The following COL4A5 variants were observed in gnomAD, a reference collection of about 807,000 sequenced individuals.
COL4A5 encodes collagen alpha-5(IV) chain.
Under a neutral mutation model 130.2 loss-of-function variants are expected in COL4A5, and 26 were observed. The ratio of observed to expected loss-of-function variants is 0.20; its 90% CI spans 0.15 to 0.28. The LOEUF is 0.28. COL4A5 is among the 10% of genes least tolerant of loss of function. The pLI, the probability that COL4A5 is intolerant of heterozygous loss-of-function variation, is 1.00. For missense variants in COL4A5, 1,131 were observed against 1,344.3 expected, an observed-to-expected ratio of 0.84 and a Z score of 2.48; for synonymous variants, 496 against 439.6, an observed-to-expected ratio of 1.13 and a Z score of -1.60.
intron 1 of COL4A5, among the ~76,000 whole-genome samples, chrX:108,490,546 A>C (rs1306193120): frequency 8.9e-6 from 1 of 112,259 alleles, no homozygotes; most frequent in Non-Finnish European, 1.9e-5. Flanking sequence ...ATAATGTAGT[A>C]TAACCTTTTA....
At chrX:108,662,839 G>A (rs867540108) in intron 37 of COL4A5, among the ~76,000 whole-genome samples, 9 of 111,676 alleles carry the variant, frequency 8.1e-5, no homozygotes, top group Admixed American at 2.8e-4. Flanking sequence ...GACTTTCTTC[G>A]CAGAATTAGA....
At chrX:108,492,277 T>G (rs780752730) in intron 1 of COL4A5, among the ~76,000 whole-genome samples, 1 of 111,793 alleles carries the variant, frequency 8.9e-6, no homozygotes, top group Non-Finnish European at 1.9e-5. Context: ...TTAGGAAATT[T>G]CTGTTTCAAA....
chrX:108,644,761 A>T lies in COL4A5; in HGVS notation c.3247-10570A>T, dbSNP rs917812146. 6.4e-5 allele frequency among the ~76,000 whole-genome samples: 7 copies of T among 109,171 alleles called. No homozygotes were observed. In the East Asian group the frequency reaches 1.4e-3, roughly 22 times the overall value. 94.8% of individuals were successfully genotyped at this position (109,171 alleles called of 115,157 possible). On this transcript the variant is annotated intron_variant, in intron 36 of 52. Transcript: ENST00000328300. ...CTAAAATTACAAAAAATAGCTGGGG[A>T]TGGTGGCAGGCACCTGTAATCCCAG...
At chrX:108,640,036 A>T (rs1338457384) in intron 36 of COL4A5, among the ~76,000 whole-genome samples, 1 of 111,940 alleles carries the variant, frequency 8.9e-6, no homozygotes, top group East Asian at 2.8e-4. Context: ...ACTTCTGGAG[A>T]CACATCTAAC....
Position 108,439,986 on chromosome X carries a change from C to T in COL4A5, c.-140C>T. ...TTTTTTTTCTTCCACTCTTAAAAAGCTTCTTTCTCTTCACCCAAGCCTCAC... is the reference window on the plus strand; with the variant it reads ...TTTTTTTTCTTCCACTCTTAAAAAGTTTCTTTCTCTTCACCCAAGCCTCAC... On this transcript the variant is annotated 5_prime_UTR_variant, in exon 1 of 53. Coordinates refer to ENST00000328300, the MANE Select transcript of COL4A5 (RefSeq NM_033380.3). The T allele has an allele frequency of 2.1e-6, 1 of 477,619 alleles. No homozygotes were observed. The allele number at this position is 477,619 out of a possible 1,213,427, so 39.4% of individuals were successfully genotyped here.
chrX:108,630,417 A>G (rs2067234112), intron 36 of COL4A5, among the ~76,000 whole-genome samples: 1 of 112,282 alleles, frequency 8.9e-6, no homozygotes, highest in South Asian at 3.7e-4. Flanking sequence ...AGTGATGATG[A>G]GCATTTTTTC....
At position 108,626,238 on chromosome X, in the gene COL4A5, A is replaced by G. The variant is rs2147873129; in HGVS notation, c.3135A>G (p.Gly1045=). 8.3e-7 allele frequency: 1 copy of G among 1,209,528 alleles called. No individual in the cohort carries two copies. Among genetic ancestry groups the G allele is most frequent in the Non-Finnish European group, 1.1e-6 (1 of 893,905 alleles). Residue 1045 remains glycine (G), a synonymous_variant, in exon 36 of 53, where the codon GGA becomes GGG. Coordinates refer to ENST00000328300, the MANE Select transcript of COL4A5 (RefSeq NM_033380.3). ...CTCAGGGTGTGGAAGGGCCTCCTGG[A>G]CCTTCTGGAGTTCCTGGACAACCTG... The part of the protein sequence containing the change: ...PGPQGVEGPP[G]PSGVPGQPGS...
At chrX:108,583,036 C>G (rs1222041462) in intron 17 of COL4A5, 99 bp downstream of exon 17, 1 of 684,185 alleles carries the variant, frequency 1.5e-6, no homozygotes, top group African/African-American at 2.1e-5. Context: ...GTCTACATAA[C>G]TAGCTTTTAT....
At chrX:108,487,828 T>A (rs908092703) in intron 1 of COL4A5, among the ~76,000 whole-genome samples, 1 of 112,234 alleles carries the variant, frequency 8.9e-6, no homozygotes, top group Non-Finnish European at 1.9e-5. Context: ...AAACTTATAA[T>A]ACCATGAACT....
intron 38 of COL4A5, 119 bp downstream of exon 38, chrX:108,665,706 A>C (rs1432859841): frequency 9.3e-6 from 5 of 538,229 alleles, no homozygotes; most frequent in Non-Finnish European, 1.6e-5. Context: ...TATAGTGTTC[A>C]TTCACTTAAC....
At chrX:108,634,708 A>G (rs1306340294) in intron 36 of COL4A5, among the ~76,000 whole-genome samples, 1 of 111,463 alleles carries the variant, frequency 9.0e-6, no homozygotes, top group Non-Finnish European at 1.9e-5. Context: ...TAAATATTGG[A>G]TTTACTATTT....
intron 36 of COL4A5, among the ~76,000 whole-genome samples, chrX:108,630,803 T>C (rs2067240682): frequency 8.9e-6 from 1 of 112,553 alleles, no homozygotes; most frequent in South Asian, 3.7e-4. Flanking sequence ...AACATTTAAG[T>C]CTTAATCCAT....
chrX:108,523,698 C>T (rs1910868787), intron 1 of COL4A5, among the ~76,000 whole-genome samples: 2 of 111,710 alleles, frequency 1.8e-5, no homozygotes, highest in Non-Finnish European at 3.8e-5. Context: ...GCATTATCAT[C>T]TTAGCAATAT....
At chrX:108,666,716 C>T (rs2068088060) in intron 39 of COL4A5, 122 bp downstream of exon 39, 2 of 606,320 alleles carry the variant, frequency 3.3e-6, no homozygotes, top group Admixed American at 5.8e-5. Context: ...ACACTTTCCC[C>T]TTTTCCTAGT....
In COL4A5 at chrX:108,593,329, A is replaced by G. The variant is rs1024927413; in HGVS notation, c.1423+1685A>G. ...ACAGTTTTTATATTCTCTTTTGTAA[A>G]GTGCCTGTCTTTATCTTTAATTTGA... is the stretch of plus-strand genomic sequence containing the variant. On this transcript the variant is annotated intron_variant, in intron 21 of 52. Transcript: ENST00000328300. Among the ~76,000 whole-genome samples the G allele has an allele frequency of 4.5e-5, 5 of 111,507 alleles. No individual in the cohort carries two copies. The Admixed American group carries it at 4.8e-4, about 11-fold the overall frequency.
At chrX:108,628,035 A>T (rs1246756165) in intron 36 of COL4A5, among the ~76,000 whole-genome samples, 4 of 110,994 alleles carry the variant, frequency 3.6e-5, no homozygotes, top group Non-Finnish European at 1.9e-5. Context: ...TATACTATAC[A>T]TCTGCTCTGT....
chrX:108,675,956 G>A lies in COL4A5; in HGVS notation c.3808+1203G>A, dbSNP rs192906306. On this transcript the variant is annotated intron_variant, in intron 43 of 52. Coordinates refer to ENST00000328300, the MANE Select transcript of COL4A5 (RefSeq NM_033380.3). Reference sequence around the variant, plus strand: ...TAGAAGAAGAAATTGAAGCCAAGGAGATTAATAATCTTACTGAAGTCAAAC... The same window carrying A: ...TAGAAGAAGAAATTGAAGCCAAGGAAATTAATAATCTTACTGAAGTCAAAC... Among the ~76,000 whole-genome samples the A allele has an allele frequency of 1.0e-3, 113 of 111,550 alleles. 4 individuals carry two copies. The East Asian group carries it at 0.031, about 30-fold the overall frequency.
intron 36 of COL4A5, among the ~76,000 whole-genome samples, chrX:108,640,148 T>C (rs1671801107): frequency 8.9e-6 from 1 of 112,098 alleles, no homozygotes; most frequent in East Asian, 2.8e-4. Flanking sequence ...CAAATGTCCA[T>C]TGATAGAGGA....
chrX:108,581,016 C>T lies in COL4A5; in HGVS notation c.925C>T (p.Pro309Ser), dbSNP rs754980057. The change falls in exon 16 of 53, where the codon CCA (proline) becomes TCA (serine). Residue 309 changes from proline to serine, a missense_variant. Pro to Ser is a moderately conservative substitution (Grantham distance 74, BLOSUM62 -1). Coordinates refer to ENST00000328300, the MANE Select transcript of COL4A5 (RefSeq NM_033380.3). ...AGGCAAAGATGGAGAAAATGGCCAA[C>T]CAGGAATTCCTGTAAGTAGCTAAGG... ...KPGKDGENGQ[P>S]GIPGLPGDPG... is the part of the protein sequence containing the mutation. The T allele has an allele frequency of 2.5e-6, 3 of 1,207,478 alleles. No individual in the cohort carries two copies. Among genetic ancestry groups the T allele is most frequent in the East Asian group, 3.0e-5 (1 of 33,789 alleles).
Sources: gnomAD v4.1 joint callset for allele counts (sites outside exome capture counted in the v4.1 genomes callset) on GRCh38, gnomAD v4.1.1 for gene constraint, MANE v1.5 for transcripts, NCBI Gene and HGNC (gene_info 2026-07-23, HGNC 2026-07-21) for gene names.